The following RUFY4 variants were observed in gnomAD, a reference collection of about 807,000 sequenced individuals.
RUFY4 encodes the protein RUN and FYVE domain-containing protein 4.
In RUFY4, 73 loss-of-function variants were observed where a neutral mutation model predicts 69.0. The observed-to-expected ratio is 1.06, with a 90% CI of 0.88 to 1.29. RUFY4 has a LOEUF of 1.29. Ranked by LOEUF, RUFY4 falls within the 50% of genes most tolerant of loss-of-function variation. The pLI, the probability that RUFY4 is intolerant of heterozygous loss-of-function variation, is 0.00. For missense variants in RUFY4, 770 were observed against 705.6 expected, an observed-to-expected ratio of 1.09 and a Z score of -1.03; for synonymous variants, 287 against 271.8, an observed-to-expected ratio of 1.06 and a Z score of -0.55.
At chr2:218,049,262 G>A (rs965727176) in intron 2 of RUFY4, among the ~76,000 whole-genome samples, 3 of 152,170 alleles carry the variant, frequency 2.0e-5, no homozygotes, top group African/African-American at 7.2e-5. Context: ...GCCTGGGGCA[G>A]GCAGCTCACT....
intron 2 of RUFY4, among the ~76,000 whole-genome samples, chr2:218,038,631 G>A (rs561723979): frequency 6.6e-5 from 10 of 152,284 alleles, no homozygotes; most frequent in East Asian, 1.9e-4. Flanking sequence ...TGCCCTCAGC[G>A]GCTAGTAACA....
upstream of RUFY4, chr2:218,069,706 C>T (rs1689435833): frequency 6.6e-6 from 1 of 152,264 alleles, no homozygotes; most frequent in Non-Finnish European, 1.5e-5. Context: ...CCCTTCCCTC[C>T]ACTGTGTCCC....
At chr2:218,073,035 G>C in intron 4 of RUFY4, 150 bp downstream of exon 6, 1 of 948,596 alleles carries the variant, frequency 1.1e-6, no homozygotes, top group Non-Finnish European at 1.5e-6. Flanking sequence ...AGAAAGGGCA[G>C]AGGGAGGTTA....
upstream of RUFY4, chr2:218,069,543 C>G (rs993135014): frequency 6.6e-6 from 1 of 152,304 alleles, no homozygotes; most frequent in Non-Finnish European, 1.5e-5. Flanking sequence ...GGTTGGGAAA[C>G]TGAGGCTCAA....
At chr2:218,061,181 G>C (rs1461354772) in intron 3 of RUFY4, 1 of 406,924 alleles carries the variant, frequency 2.5e-6, no homozygotes, top group Non-Finnish European at 5.0e-6. Flanking sequence ...GGTGACAGTG[G>C]CTGACTCAGC....
chr2:218,058,580 CT>C (rs1262342315), intron 2 of RUFY4: 1 of 152,186 alleles, frequency 6.6e-6, no homozygotes, highest in Non-Finnish European at 1.5e-5. Context: ...AATTCTCTTC[CT>C]TTCACATTTC....
chr2:218,066,149 CA>C (rs1689320968), upstream of RUFY4, among the ~76,000 whole-genome samples: 1 of 138,692 alleles, frequency 7.2e-6, no homozygotes, highest in Non-Finnish European at 1.6e-5. Context: ...ATGATGATAA[CA>C]ATATAGCAAC....
At chr2:218,089,327 G>A in exon 10 of RUFY4, 1 of 1,613,908 alleles carries the variant, frequency 6.2e-7, no homozygotes, top group Non-Finnish European at 8.5e-7. Flanking sequence ...CCTGTAGCAA[G>A]ATCTTTGGCC....
upstream of RUFY4, among the ~76,000 whole-genome samples, chr2:218,067,918 G>A (rs1290212715): frequency 6.6e-6 from 1 of 152,208 alleles, no homozygotes. Context: ...GTGAAGCAAG[G>A]AGACCCACCA....
chr2:218,083,256 A>G (rs767442355), exon 9 of RUFY4: 1 of 1,598,242 alleles, frequency 6.3e-7, no homozygotes, highest in Non-Finnish European at 8.6e-7. Context: ...GAACTGATCC[A>G]GTAAGGACGG....
intron 3 of RUFY4, chr2:218,061,003 G>T: frequency 1.3e-6 from 1 of 758,854 alleles, no homozygotes; most frequent in African/African-American, 1.7e-5. Flanking sequence ...TCCATGCTGC[G>T]GCAGGCCAGT....
chr2:218,072,490 C>T, exon 3 of RUFY4: 1 of 1,536,988 alleles, frequency 6.5e-7, no homozygotes. Context: ...TTGTCCGTTC[C>T]CAGGACAAGG....
intron 8 of RUFY4, 106 bp from the exon 11 acceptor site, chr2:218,083,004 T>A: frequency 4.2e-6 from 6 of 1,413,934 alleles, no homozygotes; most frequent in Admixed American, 2.1e-5. Context: ...GCCGGGGGCA[T>A]CACCAGCGTC....
At chr2:218,073,133 G>A in intron 4 of RUFY4, 110 bp from the exon 7 acceptor site, 1 of 1,340,662 alleles carries the variant, frequency 7.5e-7, no homozygotes, top group Non-Finnish European at 1.0e-6. Flanking sequence ...CCTCATGACG[G>A]TGTGTAGTGG....
chr2:218,081,599 C>A (rs1196438051), intron 8 of RUFY4, among the ~76,000 whole-genome samples: 2 of 152,226 alleles, frequency 1.3e-5, no homozygotes, highest in African/African-American at 4.8e-5. Flanking sequence ...AGTGTTCTCT[C>A]CCACCCCAGA....
chr2:218,082,678 CTGTT>C, intron 8 of RUFY4, among the ~76,000 whole-genome samples: 1 of 151,414 alleles, frequency 6.6e-6, no homozygotes, highest in Middle Eastern at 3.4e-3. Flanking sequence ...TTATGGATGT[CTGTT>C]GTGTGTGTTG....
rs780374317 is a variant in RUFY4 at position 218,073,428 on chromosome 2, G to A, written c.530+42G>A. The A allele has an allele frequency of 1.3e-5, 21 of 1,565,510 alleles. No individual in the cohort carries two copies. The East Asian group carries it at 4.5e-4, about 33-fold the overall frequency. ...AGGAGAGAAGTCTCTTTTGACACCT[G>A]GTCCCATGGCCACCAAGGGTCCCAG... On this transcript the variant is annotated intron_variant, in intron 5 of 10. Coordinates refer to ENST00000344321, the Ensembl canonical transcript of RUFY4.
chr2:218,054,449 G>A (rs1374747155), intron 2 of RUFY4, among the ~76,000 whole-genome samples: 1 of 151,794 alleles, frequency 6.6e-6, no homozygotes, highest in African/African-American at 2.4e-5. Context: ...CAGCTACTCA[G>A]GAGGCTGAAG....
intron 6 of RUFY4, among the ~76,000 whole-genome samples, chr2:218,074,763 G>T (rs1030748347): frequency 6.6e-6 from 1 of 152,106 alleles, no homozygotes; most frequent in Non-Finnish European, 1.5e-5. Context: ...TGTAGTTCGG[G>T]AGGAAAAATT....
Sources: gnomAD v4.1 joint callset for allele counts (sites outside exome capture counted in the v4.1 genomes callset) on GRCh38, gnomAD v4.1.1 for gene constraint, MANE v1.5 for transcripts, NCBI Gene and HGNC (gene_info 2026-07-23, HGNC 2026-07-21) for gene names.